Variants in CDK2AP1 observed in about 807,000 individuals in gnomAD.
CDK2AP1 encodes the protein cyclin-dependent kinase 2-associated protein 1.
CDK2AP1 carries 10 observed loss-of-function variants against 14.1 expected under a neutral mutation model. The observed-to-expected ratio is 0.71, with a 90% confidence interval of 0.44 to 1.20. The LOEUF (loss-of-function observed/expected upper bound fraction) is 1.20. CDK2AP1 is among the 50% of genes most tolerant of loss of function. The pLI is 0.00. For synonymous variants in CDK2AP1, 59 were observed against 59.8 expected (o/e 0.99, Z 0.06); for missense variants, 102 against 149.9 (o/e 0.68, Z 1.67).
At chr12:123,268,516 C>T (rs1024942865) in intron 1 of CDK2AP1, among the ~76,000 whole-genome samples, 3 of 152,266 alleles carry the variant, frequency 2.0e-5, no homozygotes, top group African/African-American at 7.2e-5. Flanking sequence ...AGAACGGGGA[C>T]CGTTCCGAGC....
At chr12:123,266,572 TGGC>T (rs2048297720) in intron 2 of CDK2AP1, among the ~76,000 whole-genome samples, 1 of 152,222 alleles carries the variant, frequency 6.6e-6, no homozygotes, top group Non-Finnish European at 1.5e-5. Flanking sequence ...GCTGAGATGG[TGGC>T]GGCCCCATTC....
chr12:123,264,833 G>T (rs2048272248), intron 3 of CDK2AP1, among the ~76,000 whole-genome samples: 1 of 152,154 alleles, frequency 6.6e-6, no homozygotes, highest in Non-Finnish European at 1.5e-5. Flanking sequence ...CCTGAGCTTG[G>T]CTTCCCTAGG....
chr12:123,265,802 A>C lies in CDK2AP1; in HGVS notation c.154-480T>G, dbSNP rs2048284521. Among the ~76,000 whole-genome samples the C allele has an allele frequency of 6.6e-6, 1 of 152,206 alleles. No homozygotes were observed. The highest frequency in any genetic ancestry group is 1.5e-5 in the Non-Finnish European group (1 of 68,022). On this transcript the variant is annotated intron_variant, in intron 2 of 3. Coordinates refer to ENST00000261692, the MANE Select transcript of CDK2AP1 (RefSeq NM_004642.4). This position sits in a 1 kb window ranked among gnomAD's most constrained non-coding sequence, Gnocchi z 5.3. ...AGCTCATTTTGGCACAAAAGAGTCC[A>C]AACAGCATTTCCCAGGATGCAGATG...
In CDK2AP1 at chr12:123,271,560, T is replaced by A; in HGVS notation, c.55+4A>T. The A allele has an allele frequency of 2.0e-6, 2 of 1,004,982 alleles. No individual in the cohort carries two copies. The highest frequency in any genetic ancestry group is 2.4e-6 in the Non-Finnish European group (2 of 843,998). The allele number at this position is 1,004,982 out of a possible 1,614,324, so 62.3% of individuals were successfully genotyped here. A position where few individuals can be genotyped will look rare whatever the true frequency, so the allele number is the denominator to read the frequency against. ...TTGGGGCGCGTCGCACGCGGCTCAC[T>A]CACCGGCGTTGAGGGCGGCGGCGGG... On this transcript the variant is annotated splice_donor_region_variant and intron_variant, in intron 1 of 3. Transcript: ENST00000261692.
intron 3 of CDK2AP1, among the ~76,000 whole-genome samples, chr12:123,262,609 CCT>C (rs1205073786): frequency 1.3e-5 from 2 of 152,110 alleles, no homozygotes; most frequent in Non-Finnish European, 2.9e-5. Context: ...AGCATCTTGC[CCT>C]GTCACCCAGG....
Position 123,267,293 on chromosome 12 carries a change from G to T in CDK2AP1, c.56-11C>A. 6.4e-7 allele frequency: 1 copy of T among 1,559,790 alleles called. No individual in the cohort carries two copies. Among genetic ancestry groups the T allele is most frequent in the South Asian group, 1.1e-5 (1 of 89,978 alleles). ...AGTGGACACTCCCAGCTGTGGGGTGGGGAGAGAGAGGCCAGGAGTCAGCTC... is the reference window on the plus strand; with the variant it reads ...AGTGGACACTCCCAGCTGTGGGGTGTGGAGAGAGAGGCCAGGAGTCAGCTC... On this transcript the variant is annotated splice_polypyrimidine_tract_variant and intron_variant, in intron 1 of 3. Coordinates refer to ENST00000261692, the MANE Select transcript of CDK2AP1 (RefSeq NM_004642.4).
chr12:123,271,506 G>C, intron 1 of CDK2AP1, 58 bp downstream of exon 1: 1 of 960,342 alleles, frequency 1.0e-6, no homozygotes, highest in African/African-American at 1.8e-5. Context: ...GGCCGGGGCC[G>C]GGCGCGCGGA....
At chr12:123,270,223 G>A (rs888478983) in intron 1 of CDK2AP1, 8 of 983,912 alleles carry the variant, frequency 8.1e-6, no homozygotes, top group Non-Finnish European at 9.7e-6. Flanking sequence ...CCCAGAGGAG[G>A]TGAGAATGTT....
intron 1 of CDK2AP1, chr12:123,270,930 C>T (rs2048347982): frequency 1.0e-6 from 1 of 985,296 alleles, no homozygotes; most frequent in South Asian, 4.7e-5. Flanking sequence ...GCCCCTGCTC[C>T]CACGCTCCCG....
chr12:123,268,231 A>C, intron 1 of CDK2AP1: 1 of 985,462 alleles, frequency 1.0e-6, no homozygotes. Flanking sequence ...TCTCTCACAC[A>C]CACAGTGGGC....
Position 123,261,643 on chromosome 12 carries a change from T to C in CDK2AP1, c.*93A>G. The stretch of plus-strand genomic sequence containing the variant: ...GGGAGGAAAAACGAAACTGTAACCA[T>C]TTTGAAAACAAGGGTTTCATCTGAA... On this transcript the variant is annotated 3_prime_UTR_variant, in exon 4 of 4. Coordinates refer to ENST00000261692, the MANE Select transcript of CDK2AP1 (RefSeq NM_004642.4). 1 of 1,069,418 alleles carries C rather than the reference T, an allele frequency of 9.4e-7. No homozygotes were observed. The highest frequency in any genetic ancestry group is 1.3e-5 in the South Asian group (1 of 77,806). 66.2% of individuals were successfully genotyped at this position (1,069,418 alleles called of 1,614,324 possible). A position where few individuals can be genotyped will look rare whatever the true frequency, so the allele number is the denominator to read the frequency against.
intron 3 of CDK2AP1, among the ~76,000 whole-genome samples, chr12:123,264,154 C>G (rs892852928): frequency 8.0e-5 from 12 of 149,096 alleles, no homozygotes; most frequent in Admixed American, 2.7e-4. Flanking sequence ...CTTCTCCAGC[C>G]TTTTTAAGAA....
At chr12:123,266,151 T>C (rs201046356) in intron 2 of CDK2AP1, among the ~76,000 whole-genome samples, 1 of 151,838 alleles carries the variant, frequency 6.6e-6, no homozygotes, top group African/African-American at 2.4e-5. Context: ...GGTCCTTGCC[T>C]CCCCCCTCCT....
chr12:123,263,720 G>A (rs2048257773), intron 3 of CDK2AP1, among the ~76,000 whole-genome samples: 1 of 152,194 alleles, frequency 6.6e-6, no homozygotes, highest in African/African-American at 2.4e-5. Context: ...CCCGCTCCTG[G>A]CAGCAGCCTG....
intron 1 of CDK2AP1, among the ~76,000 whole-genome samples, chr12:123,268,535 G>C (rs2048321753): frequency 6.6e-6 from 1 of 152,246 alleles, no homozygotes. Context: ...GCTGTCTCCT[G>C]AGTCTCAGGC....
In CDK2AP1 at chr12:123,269,599, G is replaced by C. The variant is rs574010963; in HGVS notation, c.55+1965C>G. 2.4e-4 allele frequency among the ~76,000 whole-genome samples: 37 copies of C among 152,312 alleles called. No individual in the cohort carries two copies. The East Asian group carries it at 6.8e-3, about 28-fold the overall frequency. Reference sequence around the variant, plus strand: ...CCAGGAAGCTCCTGGGGCCAGGCGCGGCTCCCCACCCCCACGCCAGACAAA... The same window carrying C: ...CCAGGAAGCTCCTGGGGCCAGGCGCCGCTCCCCACCCCCACGCCAGACAAA... On this transcript the variant is annotated intron_variant, in intron 1 of 3. Coordinates refer to ENST00000261692, the MANE Select transcript of CDK2AP1 (RefSeq NM_004642.4).
At chr12:123,271,154 G>A (rs1319084649) in intron 1 of CDK2AP1, 4 of 387,960 alleles carry the variant, frequency 1.0e-5, no homozygotes, top group Non-Finnish European at 1.4e-5. Flanking sequence ...CCCCAGGGCG[G>A]CGGGGCCCCG....
Position 123,265,091 on chromosome 12 carries a change from G to A in CDK2AP1, c.280+105C>T. 2 of 1,474,038 alleles carry A rather than the reference G, an allele frequency of 1.4e-6. No individual in the cohort carries two copies. The highest frequency in any genetic ancestry group is 1.9e-6 in the Non-Finnish European group (2 of 1,071,410). The allele number at this position is 1,474,038 out of a possible 1,614,324, so 91.3% of individuals were successfully genotyped here. A position where few individuals can be genotyped will look rare whatever the true frequency, so the allele number is the denominator to read the frequency against. On this transcript the variant is annotated intron_variant, in intron 3 of 3. Transcript: ENST00000261692. This position sits in a 1 kb window ranked among gnomAD's most constrained non-coding sequence, Gnocchi z 5.3. The stretch of plus-strand genomic sequence containing the variant: ...TGTAACAAGACAGGAGCTCCCATGA[G>A]TGAGCCTCATCCCTAGCCCACCTTC...
In CDK2AP1 at chr12:123,265,183, G is replaced by A. The variant is rs372292202; in HGVS notation, c.280+13C>T. ...CACTGTGGTCACCGACAGGGCAGCGGGGCCGGGCTTACCGCGCTTCAGCCT... is the reference window on the plus strand; with the variant it reads ...CACTGTGGTCACCGACAGGGCAGCGAGGCCGGGCTTACCGCGCTTCAGCCT... On this transcript the variant is annotated intron_variant, in intron 3 of 3. Coordinates refer to ENST00000261692, the MANE Select transcript of CDK2AP1 (RefSeq NM_004642.4). The surrounding 1 kb of genome is among the most constrained non-coding windows in gnomAD (Gnocchi z 5.3). 6.2e-7 allele frequency: 1 copy of A among 1,614,122 alleles called. No individual in the cohort carries two copies.
Sources: allele counts gnomAD v4.1 joint callset (sites outside exome capture counted in the v4.1 genomes callset), GRCh38; gene constraint gnomAD v4.1.1; non-coding constraint Gnocchi (gnomAD v3.1); transcripts MANE v1.5; gene names NCBI Gene and HGNC (gene_info 2026-07-23, HGNC 2026-07-21).